NID2: variants seen among roughly 807,000 people sequenced by gnomAD.
NID2 encodes nidogen 2, also known as nidogen-2.
Under a neutral mutation model 145.4 loss-of-function variants are expected in NID2, and 83 were observed. The ratio of observed to expected loss-of-function variants is 0.57; its 90% CI spans 0.48 to 0.69. The LOEUF is 0.69. Among genes scored for constraint, NID2 ranks in the 30% least tolerant of loss-of-function variants. The pLI is 0.00. For missense variants in NID2, 1,807 were observed against 1,765.7 expected (o/e 1.02, Z -0.42); for synonymous variants, 739 against 701.3 (o/e 1.05, Z -0.85).
intron 10 of NID2, among the ~76,000 whole-genome samples, chr14:52,029,194 ATGTC>A (rs1891708925): frequency 6.6e-6 from 1 of 152,212 alleles, no homozygotes; most frequent in African/African-American, 2.4e-5. Context: ...AAGACACACA[ATGTC>A]TGTCTAAAAT....
At chr14:52,060,001 C>T in intron 3 of NID2, 123 bp downstream of exon 3, 3 of 624,068 alleles carry the variant, frequency 4.8e-6, no homozygotes, top group Non-Finnish European at 8.0e-6. Context: ...TTGGTTTTGA[C>T]TTGATGCCTT....
intron 2 of NID2, among the ~76,000 whole-genome samples, chr14:52,061,360 C>G (rs749841168): frequency 3.3e-5 from 5 of 152,182 alleles, no homozygotes; most frequent in Non-Finnish European, 5.9e-5. Flanking sequence ...TTTGTAAACA[C>G]CATTCATTTA....
intron 5 of NID2, among the ~76,000 whole-genome samples, chr14:52,052,567 C>T (rs1001096233): frequency 6.6e-6 from 1 of 152,194 alleles, no homozygotes; most frequent in African/African-American, 2.4e-5. Flanking sequence ...CACAATGCCA[C>T]ATTAGTCAGA....
At chr14:52,040,414 GATTTT>G (rs1469764921) in intron 8 of NID2, among the ~76,000 whole-genome samples, 1 of 152,088 alleles carries the variant, frequency 6.6e-6, no homozygotes, top group East Asian at 1.9e-4. Flanking sequence ...TGTTGCTATT[GATTTT>G]ATTATTTGAA....
intron 9 of NID2, among the ~76,000 whole-genome samples, chr14:52,032,986 T>G (rs12886249): frequency 0.087 from 13,317 of 152,204 alleles, 634 homozygotes; most frequent in Middle Eastern, 0.13. Context: ...GAGCCCATGG[T>G]TCAAAGCAAA....
chr14:52,030,593 A>AGGAAGGAAGG (rs1566755782), intron 9 of NID2, among the ~76,000 whole-genome samples: 8 of 134,996 alleles, frequency 5.9e-5, no homozygotes, highest in East Asian at 2.7e-4. Flanking sequence ...AAAGAAAGAA[A>AGGAAGGAAGG]GAAAGAAAGA....
At chr14:52,030,567 A>AAC (rs1185429260) in intron 9 of NID2, among the ~76,000 whole-genome samples, 1,970 of 99,284 alleles carry the variant, frequency 0.02, 119 homozygotes, top group East Asian at 0.058. Context: ...AAAGAAAGAA[A>AAC]GGAAGGAAGG....
intron 16 of NID2, 76 bp from the exon 17 acceptor site, chr14:52,011,759 T>G: frequency 1.3e-6 from 2 of 1,543,088 alleles, no homozygotes; most frequent in Non-Finnish European, 1.8e-6. Flanking sequence ...GCCTTGCTCA[T>G]GCACAGCTGC....
At chr14:52,044,923 A>C (rs74674485) in intron 5 of NID2, among the ~76,000 whole-genome samples, 5,056 of 152,236 alleles carry the variant, frequency 0.033, 114 homozygotes, top group South Asian at 0.1. Flanking sequence ...CACTCTGGCC[A>C]GGGACAATTT....
intron 2 of NID2, among the ~76,000 whole-genome samples, chr14:52,065,760 T>G (rs1026015149): frequency 8.4e-6 from 1 of 118,690 alleles, no homozygotes; most frequent in African/African-American, 3.7e-5. Context: ...CAGTGTTTGG[T>G]TTTTTGTTCT....
chr14:52,006,889 C>G (rs576928359), intron 19 of NID2: 24 of 361,864 alleles, frequency 6.6e-5, no homozygotes, highest in Non-Finnish European at 1.2e-4. Context: ...TTACTGAAAT[C>G]TGGTAAGTTT....
chr14:52,014,576 C>A, intron 15 of NID2, 120 bp from the exon 16 acceptor site: 12 of 985,336 alleles, frequency 1.2e-5, no homozygotes, highest in Non-Finnish European at 1.8e-5. Flanking sequence ...TCGCCCTACG[C>A]AGATGTGCTC....
In NID2 at chr14:52,036,441, C is replaced by G. The variant is rs145173168; in HGVS notation, c.2257+2306G>C. Among the ~76,000 whole-genome samples, 800 of 152,216 alleles carry G rather than the reference C, an allele frequency of 5.3e-3. 11 individuals are homozygous for G. The highest frequency in any genetic ancestry group is 0.018 in the African/African-American group (762 of 41,550). ...CATGTATGTTGCTTCCACCTTTTGG[C>G]TATTATGAATACTGCCACTATGAAT... is the stretch of plus-strand genomic sequence containing the variant. On this transcript the variant is annotated intron_variant, in intron 9 of 21. Coordinates refer to ENST00000216286, the MANE Select transcript of NID2 (RefSeq NM_007361.4).
rs1483490128 is a variant in NID2 at position 52,028,760 on chromosome 14, C to T, written c.2492G>A (p.Ser831Asn). 3 of 1,614,080 alleles carry T rather than the reference C, an allele frequency of 1.9e-6. No homozygotes were observed. Among genetic ancestry groups the T allele is most frequent in the Admixed American group, 1.7e-5 (1 of 59,998 alleles). Residue 831 changes from serine (S) to asparagine (N), a missense_variant, in exon 11 of 22, where the codon AGT becomes AAT. Coordinates refer to ENST00000216286, the MANE Select transcript of NID2 (RefSeq NM_007361.4). ...CCGGTCATCTGCAAACTCATAACCA[C>T]TCCGGCACTCACACCTGTAGCTTCC... ...LPGSYRCECRSGYEFADDRHT... is the reference protein window; with the variant it reads ...LPGSYRCECRNGYEFADDRHT...
rs114438725 is a variant in NID2 at position 52,051,777 on chromosome 14, G to A, written c.1429+1802C>T. ...TTCTAGATTTCTTCCTCCAAAATGC[G>A]TATTAACCAGCTTTTTCACAGGCGT... On this transcript the variant is annotated intron_variant, in intron 5 of 21. Coordinates refer to ENST00000216286, the MANE Select transcript of NID2 (RefSeq NM_007361.4). Among the ~76,000 whole-genome samples, 794 of 152,246 alleles carry A rather than the reference G, an allele frequency of 5.2e-3. 5 individuals are homozygous for A. The highest frequency in any genetic ancestry group is 0.017 in the African/African-American group (712 of 41,526).
chr14:52,028,805 G>C lies in NID2; in HGVS notation c.2447C>G (p.Ser816Cys). ...ATGFHRCGPNSVCINLPGSYR... is the reference protein window; with the variant it reads ...ATGFHRCGPNCVCINLPGSYR... ...GCTTCCAGGCAAGTTGATACATACA[G>C]AGTTGGGGCCACAGCGATGAAAGCC... is the stretch of plus-strand genomic sequence containing the variant. The change falls in exon 11 of 22, where the codon TCT becomes TGT. Residue 816 changes from serine (S) to cysteine (C), a missense_variant. Physicochemically the swap from Ser to Cys is moderately radical, Grantham distance 112 (BLOSUM62 -1). Transcript: ENST00000216286. 1 of 1,614,106 alleles carries C rather than the reference G, an allele frequency of 6.2e-7. No individual in the cohort carries two copies. The highest frequency in any genetic ancestry group is 8.5e-7 in the Non-Finnish European group (1 of 1,180,004).
At position 52,029,693 on chromosome 14, in the gene NID2, G is replaced by A; in HGVS notation, c.2258-3C>T. 6.2e-7 allele frequency: 1 copy of A among 1,612,644 alleles called. No individual in the cohort carries two copies. ...CCCCGGAGTGGGGTCTGAATCCTCT[G>A]CATGAGTAGAGGGGAAATAAAAGCA... On this transcript the variant is annotated splice_polypyrimidine_tract_variant and splice_region_variant and intron_variant, in intron 9 of 21. Coordinates refer to ENST00000216286, the MANE Select transcript of NID2 (RefSeq NM_007361.4).
intron 9 of NID2, among the ~76,000 whole-genome samples, chr14:52,037,487 G>C (rs763971062): frequency 3.3e-4 from 51 of 152,252 alleles, no homozygotes; most frequent in South Asian, 2.1e-4. Flanking sequence ...TTTAATGTGA[G>C]TATTTCTGGG....
intron 11 of NID2, 83 bp downstream of exon 11, chr14:52,028,639 C>G: frequency 6.9e-7 from 1 of 1,457,542 alleles, no homozygotes; most frequent in Admixed American, 2.1e-5. Context: ...CTCTGAATAG[C>G]AGAAGTCAAA....
Sources: allele counts gnomAD v4.1 joint callset (sites outside exome capture counted in the v4.1 genomes callset), GRCh38; gene constraint gnomAD v4.1.1; transcripts MANE v1.5; gene names NCBI Gene and HGNC (gene_info 2026-07-23, HGNC 2026-07-21).